The following RAB11FIP3 variants were observed in gnomAD, a reference collection of about 807,000 sequenced individuals.
RAB11FIP3 encodes the protein RAB11 family interacting protein 3.
A neutral mutation model predicts 77.8 loss-of-function variants in RAB11FIP3; 17 were observed. The observed-to-expected ratio is 0.22, with a 90% confidence interval of 0.15 to 0.33. The LOEUF (loss-of-function observed/expected upper bound fraction) is 0.33. RAB11FIP3 is among the 10% of genes least tolerant of loss of function. RAB11FIP3 has a pLI of 1.00. For synonymous variants in RAB11FIP3, 437 were observed against 448.2 expected, an observed-to-expected ratio of 0.98 and a Z score of 0.31; for missense variants, 1,005 against 1,011.2, an observed-to-expected ratio of 0.99 and a Z score of 0.08.
intron 5 of RAB11FIP3, among the ~76,000 whole-genome samples, chr16:493,824 C>T (rs1032599635): frequency 6.8e-6 from 1 of 147,786 alleles, no homozygotes; most frequent in Non-Finnish European, 1.5e-5. Context: ...AATCTCCGGA[C>T]CTCGTGATCC....
intron 1 of RAB11FIP3, among the ~76,000 whole-genome samples, chr16:435,034 T>C (rs2055105363): frequency 6.6e-6 from 1 of 152,042 alleles, no homozygotes; most frequent in African/African-American, 2.4e-5. Flanking sequence ...TGAAACCCCG[T>C]CTCTACGAAA....
chr16:508,704 C>T (rs1002683816), intron 8 of RAB11FIP3, among the ~76,000 whole-genome samples: 4 of 152,060 alleles, frequency 2.6e-5, no homozygotes, highest in East Asian at 1.9e-4. Context: ...CTGGAAAACG[C>T]GTCCTTTCGC....
intron 4 of RAB11FIP3, among the ~76,000 whole-genome samples, chr16:488,322 G>C (rs1325093351): frequency 6.6e-5 from 10 of 152,282 alleles, no homozygotes; most frequent in Non-Finnish European, 7.4e-5. Context: ...GGAGCTGGCA[G>C]TGAGCCGATA....
At chr16:520,416 C>T (rs1421081103) in intron 12 of RAB11FIP3, 43 bp from the exon 13 acceptor site, 1 of 1,607,598 alleles carries the variant, frequency 6.2e-7, no homozygotes, top group East Asian at 2.2e-5. Flanking sequence ...GCTCAGCCAC[C>T]AGCAGGGGCC....
chr16:505,696 A>C lies in RAB11FIP3; in HGVS notation c.1499+69A>C. 2 of 1,304,230 alleles carry C rather than the reference A, an allele frequency of 1.5e-6. No individual in the cohort carries two copies. Among genetic ancestry groups the C allele is most frequent in the South Asian group, 2.6e-5 (2 of 76,580 alleles). The allele number at this position is 1,304,230 out of a possible 1,614,324, so 80.8% of individuals were successfully genotyped here. ...TGTGCCCGCCTGTCAGCCCCCATTT[A>C]CTTCTCTTTACCTCACACAGCAGGG... On this transcript the variant is annotated intron_variant, in intron 8 of 13. Transcript: ENST00000262305. This position sits in a 1 kb window ranked among gnomAD's most constrained non-coding sequence, Gnocchi z 4.0.
At chr16:441,987 C>T (rs1187320587) in intron 1 of RAB11FIP3, among the ~76,000 whole-genome samples, 1 of 152,114 alleles carries the variant, frequency 6.6e-6, no homozygotes, top group Non-Finnish European at 1.5e-5. Flanking sequence ...TACAGGCACC[C>T]GCCACCACGC....
Position 520,855 on chromosome 16 carries a change from G to C in RAB11FIP3, c.*16G>C. ...GGTCAAGTAGAGGCAGGAAGGTCCA[G>C]CCTGAGCTGGATTCGGGACTCCAAC... On this transcript the variant is annotated 3_prime_UTR_variant, in exon 14 of 14. Transcript: ENST00000262305. The C allele has an allele frequency of 6.2e-7, 1 of 1,606,646 alleles. No homozygotes were observed. Among genetic ancestry groups the C allele is most frequent in the Non-Finnish European group, 8.5e-7 (1 of 1,173,902 alleles).
At chr16:458,105 C>T (rs1474361198) in intron 1 of RAB11FIP3, among the ~76,000 whole-genome samples, 2 of 152,212 alleles carry the variant, frequency 1.3e-5, no homozygotes, top group Non-Finnish European at 2.9e-5. Context: ...TGTGGGGTCC[C>T]TTAGCTGGGG....
At chr16:493,321 C>T (rs984744473) in intron 5 of RAB11FIP3, among the ~76,000 whole-genome samples, 1 of 151,654 alleles carries the variant, frequency 6.6e-6, no homozygotes, top group Non-Finnish European at 1.5e-5. Flanking sequence ...AATCAGGACA[C>T]ACAACTGCCA....
intron 6 of RAB11FIP3, 45 bp from the exon 7 acceptor site, chr16:502,959 G>A: frequency 1.4e-6 from 2 of 1,462,440 alleles, no homozygotes; most frequent in East Asian, 2.3e-5. Context: ...AGCATGTCCT[G>A]TGGTTTTTCC....
intron 5 of RAB11FIP3, chr16:491,200 C>T (rs1370606332): frequency 7.7e-7 from 1 of 1,304,764 alleles, no homozygotes; most frequent in Non-Finnish European, 1.0e-6. Flanking sequence ...TTTACTGTAG[C>T]CAGTGCCACA....
At chr16:513,693 G>T (rs1343557298) in intron 9 of RAB11FIP3, among the ~76,000 whole-genome samples, 1 of 152,170 alleles carries the variant, frequency 6.6e-6, no homozygotes, top group African/African-American at 2.4e-5. Flanking sequence ...GTTCCTTCCA[G>T]CTCTTAAAGC....
At chr16:491,596 G>A (rs1309194675) in intron 5 of RAB11FIP3, among the ~76,000 whole-genome samples, 2 of 152,242 alleles carry the variant, frequency 1.3e-5, no homozygotes, top group African/African-American at 4.8e-5. Context: ...GACAGAATTG[G>A]GAAAGTTAAA....
chr16:453,972 A>C (rs1364398032), intron 1 of RAB11FIP3, among the ~76,000 whole-genome samples: 2 of 152,114 alleles, frequency 1.3e-5, no homozygotes, highest in Non-Finnish European at 2.9e-5. Flanking sequence ...AACTCATATT[A>C]TTCAGCCTAC....
At chr16:436,518 G>A (rs1257265817) in intron 1 of RAB11FIP3, among the ~76,000 whole-genome samples, 1 of 152,078 alleles carries the variant, frequency 6.6e-6, no homozygotes, top group African/African-American at 2.4e-5. Context: ...GTTTGGCCCT[G>A]TTGCCCAGGG....
At chr16:474,906 G>T (rs1397250270) in intron 3 of RAB11FIP3, 12 of 1,523,060 alleles carry the variant, frequency 7.9e-6, no homozygotes, top group Non-Finnish European at 1.1e-5. Context: ...TGTGCCTCCA[G>T]GTGAGCGCAC....
rs1412156874 is a variant in RAB11FIP3, at chr16:514,849, C to G, written c.1640+4049C>G. On this transcript the variant is annotated intron_variant, in intron 9 of 13. Coordinates refer to ENST00000262305, the MANE Select transcript of RAB11FIP3 (RefSeq NM_014700.4). The surrounding 1 kb of genome is among the most constrained non-coding windows in gnomAD (Gnocchi z 4.6). Reference sequence around the variant, plus strand: ...CAGCTTGTGGCACCTGCCGAACCCCCGGCGTTGGGGTACATGGCCCATCAT... The same window carrying G: ...CAGCTTGTGGCACCTGCCGAACCCCGGGCGTTGGGGTACATGGCCCATCAT... Among the ~76,000 whole-genome samples, 1 of 152,194 alleles carries G rather than the reference C, an allele frequency of 6.6e-6. No individual in the cohort carries two copies. The highest frequency in any genetic ancestry group is 1.5e-5 in the Non-Finnish European group (1 of 68,032).
At chr16:511,060 C>T (rs980997822) in intron 9 of RAB11FIP3, among the ~76,000 whole-genome samples, 12 of 129,218 alleles carry the variant, frequency 9.3e-5, no homozygotes, top group African/African-American at 2.7e-4. Context: ...AGTTCCCCGA[C>T]GGCCCGCCAA....
At chr16:435,255 A>G (rs1339539104) in intron 1 of RAB11FIP3, among the ~76,000 whole-genome samples, 1 of 152,046 alleles carries the variant, frequency 6.6e-6, no homozygotes, top group Non-Finnish European at 1.5e-5. Context: ...TTTAGGATCT[A>G]ACATACAGGA....
Sources: allele counts gnomAD v4.1 joint callset (sites outside exome capture counted in the v4.1 genomes callset), GRCh38; gene constraint gnomAD v4.1.1; non-coding constraint Gnocchi (gnomAD v3.1); transcripts MANE v1.5; gene names NCBI Gene and HGNC (gene_info 2026-07-23, HGNC 2026-07-21).